CADPS2: variants seen among roughly 807,000 people sequenced by gnomAD.
CADPS2 encodes calcium-dependent secretion activator 2.
Under a neutral mutation model 172.5 loss-of-function variants are expected in CADPS2, and 93 were observed. The ratio of observed to expected loss-of-function variants is 0.54; its 90% CI spans 0.46 to 0.64. The LOEUF is 0.64. CADPS2 is among the 30% of genes least tolerant of loss of function. The pLI is 0.00. For synonymous variants in CADPS2, 546 were observed against 555.2 expected, an observed-to-expected ratio of 0.98 and a Z score of 0.23; for missense variants, 1,420 against 1,565.9, an observed-to-expected ratio of 0.91 and a Z score of 1.57.
chr7:122,619,374 C>T (rs1400957340), intron 5 of CADPS2, among the ~76,000 whole-genome samples: 2 of 151,162 alleles, frequency 1.3e-5, no homozygotes, highest in East Asian at 3.9e-4. Context: ...GCCTGTAATC[C>T]TAGCACTTTG....
chr7:122,594,929 C>T (rs1231942687), intron 6 of CADPS2, among the ~76,000 whole-genome samples: 1 of 151,900 alleles, frequency 6.6e-6, no homozygotes, highest in Non-Finnish European at 1.5e-5. Flanking sequence ...CTTAATTTAA[C>T]TTCAAAGCAT....
intron 12 of CADPS2, among the ~76,000 whole-genome samples, chr7:122,475,603 G>C (rs1415972579): frequency 6.6e-6 from 1 of 152,170 alleles, no homozygotes; most frequent in Non-Finnish European, 1.5e-5. Context: ...CTGTGGACAT[G>C]ATGCTAACAT....
intron 12 of CADPS2, among the ~76,000 whole-genome samples, chr7:122,475,395 T>C (rs1332433549): frequency 6.6e-6 from 1 of 152,186 alleles, no homozygotes; most frequent in African/African-American, 2.4e-5. Flanking sequence ...ATGGTAAAAC[T>C]GAAACTCCAT....
rs757465582 is a variant in CADPS2 at position 122,829,071 on chromosome 7, A to G, written c.339+56928T>C. ...TTAAAAGTTTCATCTCTAAATGAAC[A>G]TTCTAAAATACAAAATCAGATACCA... On this transcript the variant is annotated intron_variant, in intron 1 of 29. Transcript: ENST00000449022. Among the ~76,000 whole-genome samples, 81 of 152,328 alleles carry G rather than the reference A, an allele frequency of 5.3e-4. 1 individual carries two copies. Among genetic ancestry groups the G allele is most frequent in the Admixed American group, 1.6e-3 (25 of 15,302 alleles).
At chr7:122,815,897 A>G (rs983247601) in intron 1 of CADPS2, among the ~76,000 whole-genome samples, 2 of 152,206 alleles carry the variant, frequency 1.3e-5, no homozygotes, top group African/African-American at 4.8e-5. Context: ...TTTTATTGAT[A>G]CCTAATAGTT....
intron 1 of CADPS2, among the ~76,000 whole-genome samples, chr7:122,747,187 G>T (rs1180262480): frequency 6.6e-6 from 1 of 152,032 alleles, no homozygotes; most frequent in South Asian, 2.1e-4. Flanking sequence ...AGTTCTCATT[G>T]CAATAGAAAG....
At chr7:122,820,216 C>G (rs893858525) in intron 1 of CADPS2, among the ~76,000 whole-genome samples, 2 of 152,134 alleles carry the variant, frequency 1.3e-5, no homozygotes, top group Non-Finnish European at 2.9e-5. Context: ...ATCCCAGCCT[C>G]TCTTCACTTT....
chr7:122,621,413 G>C, intron 5 of CADPS2, 68 bp downstream of exon 5: 1 of 1,028,448 alleles, frequency 9.7e-7, no homozygotes, highest in East Asian at 2.4e-5. Context: ...TTACTGCAAA[G>C]GTCAACAGAA....
rs114780392 is a variant in CADPS2, at chr7:122,365,339, G to A, written c.3388-4326C>T. The stretch of plus-strand genomic sequence containing the variant: ...CAGTGAGCAGCGACAGCACCTGTGG[G>A]ATTAACCAGCTGAGGTGTACAGTTC... On this transcript the variant is annotated intron_variant, in intron 25 of 29. Transcript: ENST00000449022. Among the ~76,000 whole-genome samples the A allele has an allele frequency of 4.2e-3, 636 of 152,272 alleles. 2 individuals carry two copies. The highest frequency in any genetic ancestry group is 0.014 in the African/African-American group (593 of 41,550).
intron 1 of CADPS2, among the ~76,000 whole-genome samples, chr7:122,807,958 A>G (rs1756799456): frequency 6.6e-6 from 1 of 152,242 alleles, no homozygotes. Context: ...TGACGTAGAT[A>G]TAAAGTTTTC....
chr7:122,404,099 G>A (rs556208589), intron 20 of CADPS2, among the ~76,000 whole-genome samples: 160 of 151,988 alleles, frequency 1.1e-3, no homozygotes, highest in Middle Eastern at 3.4e-3. Context: ...CCATTAACTC[G>A]TCATTTAACA....
chr7:122,437,401 AT>A (rs1490980653), intron 17 of CADPS2, among the ~76,000 whole-genome samples: 1 of 152,088 alleles, frequency 6.6e-6, no homozygotes, highest in Non-Finnish European at 1.5e-5. Context: ...ACAAACAATT[AT>A]CATCAATCTT....
intron 20 of CADPS2, among the ~76,000 whole-genome samples, chr7:122,399,728 C>G (rs1439516923): frequency 2.6e-5 from 3 of 116,680 alleles, no homozygotes; most frequent in Non-Finnish European, 5.0e-5. Context: ...GCTCTGTCAC[C>G]AAGTCTGGAG....
intron 1 of CADPS2, among the ~76,000 whole-genome samples, chr7:122,795,950 T>C (rs1022836055): frequency 6.6e-6 from 1 of 152,064 alleles, no homozygotes; most frequent in Non-Finnish European, 1.5e-5. Flanking sequence ...TGATCCTATA[T>C]CTAGAAAACC....
At chr7:122,736,891 TA>T in intron 2 of CADPS2, 63 bp downstream of exon 2, 1 of 843,000 alleles carries the variant, frequency 1.2e-6, no homozygotes, top group Non-Finnish European at 1.9e-6. Context: ...GAGAAACCCA[TA>T]AAAATAATAA....
At chr7:122,791,471 A>C (rs1795277167) in intron 1 of CADPS2, among the ~76,000 whole-genome samples, 1 of 152,198 alleles carries the variant, frequency 6.6e-6, no homozygotes, top group Non-Finnish European at 1.5e-5. Context: ...AGGATAAGAA[A>C]GTCAAGCATA....
intron 1 of CADPS2, among the ~76,000 whole-genome samples, chr7:122,817,098 G>A (rs535837001): frequency 3.9e-5 from 6 of 152,000 alleles, no homozygotes; most frequent in East Asian, 1.9e-4. Context: ...GACTCAGCCC[G>A]CCTGCACCCA....
chr7:122,574,270 T>A (rs1045018751), intron 7 of CADPS2, among the ~76,000 whole-genome samples: 18 of 151,126 alleles, frequency 1.2e-4, no homozygotes, highest in African/African-American at 4.4e-4. Flanking sequence ...ACATAGTAAA[T>A]CCTTGTTCTA....
chr7:122,591,796 G>A (rs2133215057), intron 6 of CADPS2, among the ~76,000 whole-genome samples: 1 of 152,296 alleles, frequency 6.6e-6, no homozygotes, highest in Non-Finnish European at 1.5e-5. Flanking sequence ...GTAGAAAGCT[G>A]AAACTACATT....
Sources: allele counts gnomAD v4.1 joint callset (sites outside exome capture counted in the v4.1 genomes callset), GRCh38; gene constraint gnomAD v4.1.1; transcripts MANE v1.5; gene names NCBI Gene and HGNC (gene_info 2026-07-23, HGNC 2026-07-21).